Variants in MSH4 observed in about 807,000 individuals in gnomAD.
The protein encoded by MSH4 is mutS protein homolog 4.
A neutral mutation model predicts 113.7 loss-of-function variants in MSH4; 106 were observed. The observed-to-expected ratio is 0.93, with a 90% CI of 0.80 to 1.10. The LOEUF (loss-of-function observed/expected upper bound fraction) is 1.10, where lower values mean the gene tolerates loss of function less well. Among genes scored for constraint, MSH4 ranks in the 50% least tolerant of loss-of-function variants. The pLI is 0.00. For synonymous variants in MSH4, 368 were observed against 380.2 expected, an observed-to-expected ratio of 0.97 and a Z score of 0.37; for missense variants, 1,061 against 1,093.7, an observed-to-expected ratio of 0.97 and a Z score of 0.42.
chr1:75,886,700 T>C (rs1427978147), intron 15 of MSH4, among the ~76,000 whole-genome samples: 2 of 117,390 alleles, frequency 1.7e-5, no homozygotes, highest in African/African-American at 5.7e-5. Context: ...GTATAATATA[T>C]AAATATATTA....
intron 9 of MSH4, 42 bp from the exon 10 acceptor site, chr1:75,876,894 G>T (rs748014703): frequency 8.9e-7 from 1 of 1,123,596 alleles, no homozygotes; most frequent in Non-Finnish European, 1.3e-6. Flanking sequence ...GAATGATCTT[G>T]TAATTGATTA....
chr1:75,907,594 A>G (rs1652687022), intron 19 of MSH4, among the ~76,000 whole-genome samples: 1 of 141,692 alleles, frequency 7.1e-6, no homozygotes, highest in South Asian at 2.2e-4. Context: ...TAGGCATTCT[A>G]CTCTTTGCTC....
At chr1:75,878,762 C>T (rs377405761) in intron 11 of MSH4, among the ~76,000 whole-genome samples, 1 of 150,724 alleles carries the variant, frequency 6.6e-6, no homozygotes, top group African/African-American at 2.4e-5. Flanking sequence ...CCCAGGAGGT[C>T]GAGACTGCAG....
chr1:75,856,216 G>GA (rs34524611), intron 8 of MSH4, among the ~76,000 whole-genome samples: 39,469 of 151,106 alleles, frequency 0.26, 6,507 homozygotes, highest in East Asian at 0.68. Context: ...TTTCTGTTCA[G>GA]AAAAAAAAAT....
At chr1:75,866,335 CT>C (rs1045724334) in intron 8 of MSH4, among the ~76,000 whole-genome samples, 1 of 151,078 alleles carries the variant, frequency 6.6e-6, no homozygotes, top group Non-Finnish European at 1.5e-5. Context: ...AATTTCTTAA[CT>C]TTTTTTTTGT....
At chr1:75,895,574 G>C (rs997238707) in intron 17 of MSH4, among the ~76,000 whole-genome samples, 1 of 151,778 alleles carries the variant, frequency 6.6e-6, no homozygotes, top group African/African-American at 2.4e-5. Context: ...CACCTCATTT[G>C]GTATGATTTT....
chr1:75,878,204 A>G lies in MSH4; in HGVS notation c.1426A>G (p.Met476Val), dbSNP rs1218045524. ...KTVINDDARY[M>V]KGCLNMRTQK... Reference sequence around the variant, plus strand: ...AGTAATTAATGATGATGCAAGATACATGAAAGGATGCCTAAACATGAGGAC... The same window carrying G: ...AGTAATTAATGATGATGCAAGATACGTGAAAGGATGCCTAAACATGAGGAC... The change falls in exon 11 of 20, where the codon ATG becomes GTG. Residue 476 changes from methionine (M) to valine (V), a missense_variant. Met to Val is a conservative substitution (Grantham distance 21). Coordinates refer to ENST00000263187, the MANE Select transcript of MSH4 (RefSeq NM_002440.4). 8 of 1,609,610 alleles carry G rather than the reference A, an allele frequency of 5.0e-6. No homozygotes were observed. Among genetic ancestry groups the G allele is most frequent in the Admixed American group, 1.7e-5 (1 of 58,946 alleles).
chr1:75,839,177 G>A (rs1205885529), intron 7 of MSH4, among the ~76,000 whole-genome samples: 2 of 151,972 alleles, frequency 1.3e-5, no homozygotes, highest in African/African-American at 4.8e-5. Context: ...ATTTCAAAGT[G>A]ATATCTATAA....
Position 75,816,581 on chromosome 1 carries a change from C to T in MSH4, c.989+35C>T, listed in dbSNP as rs75777098. 1,934 of 1,208,066 alleles carry T rather than the reference C, an allele frequency of 1.6e-3. 21 individuals are homozygous for T. The African/African-American group carries it at 0.027, about 17-fold the overall frequency. 74.8% of individuals were successfully genotyped at this position (1,208,066 alleles called of 1,614,324 possible). A position where few individuals can be genotyped will look rare whatever the true frequency, so the allele number is the denominator to read the frequency against. On this transcript the variant is annotated intron_variant, in intron 6 of 19. Transcript: ENST00000263187. ...TCCATTTTATTTGTATAAAATATATCGGTATATATATATTTTTCTATTAAT... is the reference window on the plus strand; with the variant it reads ...TCCATTTTATTTGTATAAAATATATTGGTATATATATATTTTTCTATTAAT...
intron 17 of MSH4, among the ~76,000 whole-genome samples, chr1:75,892,645 A>C (rs542848276): frequency 6.6e-6 from 1 of 152,308 alleles, no homozygotes; most frequent in South Asian, 2.1e-4. Flanking sequence ...GTGTCACTAG[A>C]CAAAGTTGGG....
intron 2 of MSH4, 68 bp downstream of exon 2, chr1:75,803,981 G>T (rs950221951): frequency 4.5e-6 from 5 of 1,123,058 alleles, no homozygotes; most frequent in Non-Finnish European, 6.0e-6. Context: ...TTATAAATTA[G>T]GGTTATTAAG....
intron 19 of MSH4, 63 bp downstream of exon 19, chr1:75,899,769 A>G: frequency 1.3e-6 from 1 of 741,752 alleles, no homozygotes. Flanking sequence ...GTAGATTTTT[A>G]TTATGACCTT....
At position 75,848,228 on chromosome 1, in the gene MSH4, T is replaced by C. The variant is rs769585077; in HGVS notation, c.1182T>C (p.Asp394=). 3 of 1,608,910 alleles carry C rather than the reference T, an allele frequency of 1.9e-6. No individual in the cohort carries two copies. The highest frequency in any genetic ancestry group is 3.3e-5 in the Admixed American group (2 of 59,830). The change falls in exon 8 of 20, where the codon GAT becomes GAC. Residue 394 remains aspartate, a synonymous_variant. Coordinates refer to ENST00000263187, the MANE Select transcript of MSH4 (RefSeq NM_002440.4). ...TTTCAGTTATATCAAGATTTCTTGA[T>C]ACAGAGCAGCTTCTTTCTGTTTTAG... The part of the protein sequence containing the change: ...GLQSVISRFL[D]TEQLLSVLVQ...
chr1:75,804,499 C>CTTTTTTTTTT (rs5775308), intron 2 of MSH4, among the ~76,000 whole-genome samples: 4 of 123,284 alleles, frequency 3.2e-5, no homozygotes, highest in African/African-American at 6.0e-5. Context: ...TATGACCTTC[C>CTTTTTTTTTT]TTTTTTTTTT....
intron 15 of MSH4, among the ~76,000 whole-genome samples, chr1:75,888,217 G>C (rs1175500824): frequency 6.6e-6 from 1 of 150,516 alleles, no homozygotes; most frequent in African/African-American, 2.4e-5. Context: ...GAGTAATCTG[G>C]CTTTGGTTTT....
At chr1:75,814,930 A>T in intron 4 of MSH4, 91 bp from the exon 5 acceptor site, 1 of 679,002 alleles carries the variant, frequency 1.5e-6, no homozygotes, top group Non-Finnish European at 2.6e-6. Flanking sequence ...TACAATATTT[A>T]AGCCACTTAC....
chr1:75,828,813 A>G (rs576318348), intron 7 of MSH4, among the ~76,000 whole-genome samples: 4 of 152,116 alleles, frequency 2.6e-5, no homozygotes, highest in Non-Finnish European at 4.4e-5. Context: ...AATTTTTTTT[A>G]AAAAGGAAAA....
intron 7 of MSH4, among the ~76,000 whole-genome samples, chr1:75,846,279 C>T (rs574161318): frequency 6.6e-6 from 1 of 152,170 alleles, no homozygotes; most frequent in Non-Finnish European, 1.5e-5. Flanking sequence ...TTGACCACAC[C>T]CTTAGTATTC....
intron 19 of MSH4, among the ~76,000 whole-genome samples, chr1:75,907,006 G>A (rs1028000132): frequency 6.6e-6 from 1 of 151,792 alleles, no homozygotes; most frequent in East Asian, 1.9e-4. Context: ...GCTAATAAAT[G>A]TGTCTTATAG....
Sources: allele counts gnomAD v4.1 joint callset (sites outside exome capture counted in the v4.1 genomes callset), GRCh38; gene constraint gnomAD v4.1.1; transcripts MANE v1.5; gene names NCBI Gene and HGNC (gene_info 2026-07-23, HGNC 2026-07-21).